Variants in QKI observed in about 807,000 individuals in gnomAD.
QKI encodes the protein KH domain-containing RNA-binding protein QKI.
A neutral mutation model predicts 39.0 loss-of-function variants in QKI; 10 were observed. That is an observed-to-expected ratio of 0.26 (90% CI 0.16 to 0.43). The LOEUF is 0.43. Among genes scored for constraint, QKI ranks in the 20% least tolerant of loss-of-function variants. The pLI is 1.00. For missense variants in QKI, 218 were observed against 428.0 expected (o/e 0.51, Z 4.33); for synonymous variants, 204 against 155.4 (o/e 1.31, Z -2.33).
chr6:163,567,089 C>A (rs1783409905), intron 7 of QKI: 1 of 1,055,336 alleles, frequency 9.5e-7, no homozygotes, highest in Non-Finnish European at 1.1e-6. Context: ...GATGTTGCCT[C>A]AGTTATTTTC....
chr6:163,524,118 C>T (rs996222399), intron 3 of QKI, among the ~76,000 whole-genome samples: 14 of 152,112 alleles, frequency 9.2e-5, no homozygotes, highest in Non-Finnish European at 2.1e-4. Context: ...TCCCACTTTC[C>T]AGGAAACTGT....
intron 4 of QKI, among the ~76,000 whole-genome samples, chr6:163,543,558 ATGAGT>A (rs1781677132): frequency 1.3e-5 from 2 of 152,060 alleles, no homozygotes; most frequent in South Asian, 4.1e-4. Flanking sequence ...GCCAACCTAA[ATGAGT>A]TGCCATGGGA....
chr6:163,549,871 T>C (rs889140063), intron 4 of QKI, among the ~76,000 whole-genome samples: 10 of 152,224 alleles, frequency 6.6e-5, no homozygotes, highest in African/African-American at 9.6e-5. Context: ...AACACACTAC[T>C]TTTTTAACAG....
chr6:163,420,154 CTTTTTTTT>C (rs35131240), intron 1 of QKI, among the ~76,000 whole-genome samples: 1 of 60,836 alleles, frequency 1.6e-5, no homozygotes, highest in African/African-American at 5.5e-5. Context: ...CTTTTCTTTT[CTTTTTTTT>C]TTTTTTTTTT....
At chr6:163,462,155 T>G (rs190924344) in intron 2 of QKI, among the ~76,000 whole-genome samples, 36 of 152,312 alleles carry the variant, frequency 2.4e-4, no homozygotes, top group African/African-American at 8.4e-4. Flanking sequence ...AAGGTTTCAC[T>G]GTGTTGCCCA....
At position 163,441,338 on chromosome 6, in the gene QKI, A is replaced by G. The variant is rs534841483; in HGVS notation, c.143-13941A>G. Among the ~76,000 whole-genome samples, 332 of 152,294 alleles carry G rather than the reference A, an allele frequency of 2.2e-3. 1 individual carries two copies. Among genetic ancestry groups the G allele is most frequent in the Non-Finnish European group, 1.7e-3 (115 of 68,020 alleles). ...ATATTACTTTAAAGGGAAGAGGAGT[A>G]AGCTAGCTAGAATTGTCAAGCAGAT... On this transcript the variant is annotated intron_variant, in intron 1 of 7. Transcript: ENST00000361752.
intron 2 of QKI, among the ~76,000 whole-genome samples, chr6:163,472,209 T>TA (rs1357733978): frequency 6.6e-6 from 1 of 152,104 alleles, no homozygotes; most frequent in Non-Finnish European, 1.5e-5. Context: ...ACTGTATTCT[T>TA]ACAATAAAAT....
chr6:163,498,184 G>C (rs1778524500), intron 3 of QKI, among the ~76,000 whole-genome samples: 1 of 35,598 alleles, frequency 2.8e-5, no homozygotes, highest in African/African-American at 1.2e-4. Flanking sequence ...TACCGCAGCT[G>C]TGGTAAAAAA....
At chr6:163,552,517 G>A (rs1374968278) in intron 4 of QKI, among the ~76,000 whole-genome samples, 2 of 152,050 alleles carry the variant, frequency 1.3e-5, no homozygotes, top group African/African-American at 4.8e-5. Flanking sequence ...GCCTCATAAA[G>A]TTCTTTATCC....
intron 3 of QKI, among the ~76,000 whole-genome samples, chr6:163,484,499 C>T (rs957476178): frequency 6.6e-6 from 1 of 152,170 alleles, no homozygotes; most frequent in African/African-American, 2.4e-5. Context: ...CTGCACCTGT[C>T]CCATTTAGCA....
chr6:163,416,893 G>A (rs1044344035), intron 1 of QKI, among the ~76,000 whole-genome samples: 1 of 143,022 alleles, frequency 7.0e-6, no homozygotes, highest in African/African-American at 2.7e-5. Context: ...AGATTGTGGA[G>A]GCAGAAAACT....
rs1223653303 is a variant in QKI, at chr6:163,453,674, C to A, written c.143-1605C>A. ...TATGAAGCTAGAAGTATAAAAAGAACCTTAGGAAATAATAAAATTCTGCCC... is the reference window on the plus strand; with the variant it reads ...TATGAAGCTAGAAGTATAAAAAGAAACTTAGGAAATAATAAAATTCTGCCC... On this transcript the variant is annotated intron_variant, in intron 1 of 7. Transcript: ENST00000361752. 2.0e-5 allele frequency among the ~76,000 whole-genome samples: 3 copies of A among 152,030 alleles called. 1 individual carries two copies. The South Asian group carries it at 6.2e-4, about 32-fold the overall frequency.
intron 3 of QKI, among the ~76,000 whole-genome samples, chr6:163,491,003 A>G (rs1273945387): frequency 6.6e-6 from 1 of 152,196 alleles, no homozygotes; most frequent in Middle Eastern, 3.2e-3. Flanking sequence ...TGCCCTAGCT[A>G]AAAGTTTATT....
At chr6:163,478,412 C>CA (rs1385331511) in intron 2 of QKI, among the ~76,000 whole-genome samples, 7 of 152,196 alleles carry the variant, frequency 4.6e-5, no homozygotes, top group African/African-American at 1.4e-4. Flanking sequence ...ACTGTCATGA[C>CA]AAAGAGACAG....
intron 3 of QKI, among the ~76,000 whole-genome samples, chr6:163,498,992 A>G (rs146677659): frequency 1.6e-4 from 24 of 152,282 alleles, no homozygotes; most frequent in African/African-American, 5.1e-4. Flanking sequence ...GCCTGAAGGT[A>G]GTTTCATACA....
At position 163,443,596 on chromosome 6, in the gene QKI, G is replaced by A. The variant is rs555890923; in HGVS notation, c.143-11683G>A. 3.3e-5 allele frequency among the ~76,000 whole-genome samples: 5 copies of A among 152,224 alleles called. No homozygotes were observed. The East Asian group carries it at 9.7e-4, about 29-fold the overall frequency. ...ACAACAACAACAACAACTCCTCTTG[G>A]CTTTTTCATAATATGAGAGAATTCT... On this transcript the variant is annotated intron_variant, in intron 1 of 7. Transcript: ENST00000361752.
Position 163,491,147 on chromosome 6 carries a change from T to G in QKI, c.402+12251T>G, listed in dbSNP as rs189501644. ...CTATCCTTTTCAGTGCTTTTCAAAC[T>G]GTCTGTGGTAAGAGACCCACTAAAA... On this transcript the variant is annotated intron_variant, in intron 3 of 7. Transcript: ENST00000361752. 4.8e-4 allele frequency among the ~76,000 whole-genome samples: 73 copies of G among 152,320 alleles called. No individual in the cohort carries two copies. In the East Asian group the frequency reaches 0.013, roughly 26 times the overall value.
intron 4 of QKI, among the ~76,000 whole-genome samples, chr6:163,555,509 CAAAAAA>C (rs55958646): frequency 1.3e-5 from 1 of 79,392 alleles, no homozygotes; most frequent in Non-Finnish European, 2.3e-5. Flanking sequence ...AACTCCAGCT[CAAAAAA>C]AAAAAAAAAA....
intron 1 of QKI, among the ~76,000 whole-genome samples, chr6:163,436,782 T>A (rs1351691866): frequency 1.1e-5 from 1 of 88,322 alleles, no homozygotes; most frequent in African/African-American, 4.6e-5. Context: ...AGAGCGAGAC[T>A]CCGTCTCAAA....
Sources: gnomAD v4.1 joint callset for allele counts (sites outside exome capture counted in the v4.1 genomes callset) on GRCh38, gnomAD v4.1.1 for gene constraint, MANE v1.5 for transcripts, NCBI Gene and HGNC (gene_info 2026-07-23, HGNC 2026-07-21) for gene names.